Variants in ADAM9 observed in about 807,000 individuals in gnomAD.
ADAM9 encodes the protein disintegrin and metalloproteinase domain-containing protein 9.
ADAM9 carries 54 observed loss-of-function variants against 108.1 expected under a neutral mutation model. That is an observed-to-expected ratio of 0.50 (90% CI 0.40 to 0.63). The LOEUF (loss-of-function observed/expected upper bound fraction) is 0.63, where lower values mean the gene tolerates loss of function less well. ADAM9 is among the 20% of genes least tolerant of loss of function. ADAM9 has a pLI of 0.00. For synonymous variants in ADAM9, 316 were observed against 336.0 expected, an observed-to-expected ratio of 0.94 and a Z score of 0.65; for missense variants, 830 against 997.7, an observed-to-expected ratio of 0.83 and a Z score of 2.26.
intron 5 of ADAM9, 76 bp from the exon 6 acceptor site, chr8:39,017,143 A>G (rs1836559263): frequency 1.4e-6 from 2 of 1,474,662 alleles, no homozygotes; most frequent in African/African-American, 1.4e-5. Flanking sequence ...AAGAATTAGG[A>G]CTTGAACTTA....
intron 14 of ADAM9, among the ~76,000 whole-genome samples, chr8:39,060,249 A>G (rs1838256705): frequency 6.6e-6 from 1 of 152,230 alleles, no homozygotes. Context: ...CCTGACCTAT[A>G]GGGAACTGTC....
chr8:39,093,444 A>G (rs112530162), intron 20 of ADAM9, among the ~76,000 whole-genome samples: 1 of 152,062 alleles, frequency 6.6e-6, no homozygotes. Flanking sequence ...TTGATTTTGT[A>G]TTATGCAACT....
chr8:39,014,544 G>A (rs1836463272), intron 4 of ADAM9: 1 of 702,504 alleles, frequency 1.4e-6, no homozygotes, highest in Non-Finnish European at 2.6e-6. Flanking sequence ...GACAGAGCTG[G>A]CCAGAATACC....
chr8:39,058,204 A>G (rs1838187636), intron 14 of ADAM9, among the ~76,000 whole-genome samples: 1 of 152,222 alleles, frequency 6.6e-6, no homozygotes, highest in Non-Finnish European at 1.5e-5. Flanking sequence ...GGTATAAGGA[A>G]TGAGAACATA....
chr8:39,026,941 GA>G (rs1836942924), intron 11 of ADAM9, 131 bp downstream of exon 11: 1 of 1,171,516 alleles, frequency 8.5e-7, no homozygotes, highest in African/African-American at 1.6e-5. Flanking sequence ...TTAATTGCAT[GA>G]CATACCAATG....
chr8:39,023,783 G>A (rs1261131098), intron 9 of ADAM9, among the ~76,000 whole-genome samples: 1 of 111,648 alleles, frequency 9.0e-6, no homozygotes, highest in Non-Finnish European at 1.6e-5. Flanking sequence ...GTCTCACTCT[G>A]TTGCCCAGAC....
chr8:39,099,147 A>G (rs1395553904), intron 20 of ADAM9, among the ~76,000 whole-genome samples: 1 of 152,052 alleles, frequency 6.6e-6, no homozygotes, highest in Non-Finnish European at 1.5e-5. Context: ...CCATGGGGAT[A>G]CCACCCTTCA....
At chr8:39,097,188 C>T (rs1240742606) in intron 20 of ADAM9, among the ~76,000 whole-genome samples, 1 of 152,136 alleles carries the variant, frequency 6.6e-6, no homozygotes, top group African/African-American at 2.4e-5. Context: ...GGTAGCCTCT[C>T]AAATCTTTTT....
intron 10 of ADAM9, 66 bp downstream of exon 10, chr8:39,025,950 G>T (rs1045459391): frequency 2.7e-6 from 4 of 1,466,324 alleles, no homozygotes; most frequent in Admixed American, 1.7e-5. Flanking sequence ...TTTATTGACT[G>T]TATACTTCCT....
At chr8:39,048,546 G>T (rs996099807) in intron 12 of ADAM9, among the ~76,000 whole-genome samples, 5 of 152,260 alleles carry the variant, frequency 3.3e-5, no homozygotes, top group South Asian at 2.1e-4. Context: ...TATGTATTCT[G>T]CCACTGTTGG....
At chr8:39,036,143 A>AT (rs989175388) in intron 11 of ADAM9, among the ~76,000 whole-genome samples, 73 of 151,730 alleles carry the variant, frequency 4.8e-4, no homozygotes, top group African/African-American at 1.7e-3. Flanking sequence ...TCGTAATAAG[A>AT]TTTTTTTGTT....
intron 1 of ADAM9, among the ~76,000 whole-genome samples, 195 bp downstream of exon 1, chr8:38,997,355 T>G (rs1835850074): frequency 6.6e-6 from 1 of 152,038 alleles, no homozygotes. Flanking sequence ...AAGCCCTTCT[T>G]GGCCCGGGTC....
At chr8:39,047,936 T>A (rs1197313951) in intron 12 of ADAM9, among the ~76,000 whole-genome samples, 2 of 152,036 alleles carry the variant, frequency 1.3e-5, no homozygotes, top group African/African-American at 4.8e-5. Flanking sequence ...GTATTTTTTT[T>A]TTTTGACAGA....
In ADAM9 at chr8:39,104,874, T is replaced by C; in HGVS notation, c.*1174T>C. The C allele has an allele frequency of 2.3e-6, 1 of 441,760 alleles. No homozygotes were observed. Among genetic ancestry groups the C allele is most frequent in the Non-Finnish European group, 4.5e-6 (1 of 223,720 alleles). The allele number at this position is 441,760 out of a possible 1,614,324, so 27.4% of individuals were successfully genotyped here. ...AAGCACTAAAAATTTTTTCATAACC[T>C]TTCATAATAAAGTTTAATAATAGGT... is the stretch of plus-strand genomic sequence containing the variant. On this transcript the variant is annotated 3_prime_UTR_variant, in exon 22 of 22. Transcript: ENST00000487273.
intron 12 of ADAM9, among the ~76,000 whole-genome samples, chr8:39,051,203 A>AAT (rs1448426663): frequency 6.6e-6 from 1 of 152,202 alleles, no homozygotes; most frequent in African/African-American, 2.4e-5. Context: ...AGCACTCTAA[A>AAT]AAACTGTAAT....
intron 10 of ADAM9, 80 bp downstream of exon 10, chr8:39,025,964 CT>C (rs1324130955): frequency 1.1e-5 from 16 of 1,391,568 alleles, no homozygotes; most frequent in Non-Finnish European, 1.5e-5. Context: ...ACTTCCTCCC[CT>C]GGTCCTTAAA....
chr8:38,998,143 A>T (rs1472810508), intron 1 of ADAM9, among the ~76,000 whole-genome samples: 2 of 152,258 alleles, frequency 1.3e-5, no homozygotes, highest in African/African-American at 4.8e-5. Context: ...AAAGGTGATG[A>T]TAGAAGATTT....
chr8:39,024,467 T>C (rs1029505925), intron 9 of ADAM9, among the ~76,000 whole-genome samples: 2 of 152,150 alleles, frequency 1.3e-5, no homozygotes, highest in Non-Finnish European at 2.9e-5. Context: ...GTTGTTTGTT[T>C]ACAGTTGAGA....
rs574690496 is a variant in ADAM9, at chr8:38,998,340, A to G, written c.97+1180A>G. Among the ~76,000 whole-genome samples, 15 of 152,200 alleles carry G rather than the reference A, an allele frequency of 9.9e-5. No individual in the cohort carries two copies. The South Asian group carries it at 3.1e-3, about 32-fold the overall frequency. ...TCCGGTGGTATTCTAGATGGTTAAC[A>G]CTCACCGATGTTTAAGGTGAAGACG... On this transcript the variant is annotated intron_variant, in intron 1 of 21. Coordinates refer to ENST00000487273, the MANE Select transcript of ADAM9 (RefSeq NM_003816.3).
Sources: gnomAD v4.1 joint callset for allele counts (sites outside exome capture counted in the v4.1 genomes callset) on GRCh38, gnomAD v4.1.1 for gene constraint, MANE v1.5 for transcripts, NCBI Gene and HGNC (gene_info 2026-07-23, HGNC 2026-07-21) for gene names.